COL28A1: variants seen among roughly 807,000 people sequenced by gnomAD.
The protein encoded by COL28A1 is collagen type XXVIII alpha 1 chain, also known as collagen alpha-1(XXVIII) chain.
A neutral mutation model predicts 150.2 loss-of-function variants in COL28A1; 161 were observed. That is an observed-to-expected ratio of 1.07 (90% CI 0.94 to 1.22). COL28A1 has a LOEUF of 1.22. Ranked by LOEUF, COL28A1 falls within the 50% of genes most tolerant of loss-of-function variation. COL28A1 has a pLI of 0.00. For missense variants in COL28A1, 1,617 were observed against 1,388.3 expected (o/e 1.16, Z -2.62); for synonymous variants, 552 against 469.7 (o/e 1.18, Z -2.26).
rs1356165367 is a variant in COL28A1, at chr7:7,417,536, GGGA to G, written c.2136+320_2136+322del. The stretch of plus-strand genomic sequence containing the variant: ...GAAGGAGGGAGGGGGGAGGGAGGGA[GGGA>G]GGGGGGGGGGAGAGAGAGAGAGAGA... On this transcript the variant is annotated intron_variant, in intron 27 of 34. Transcript: ENST00000399429. The G allele has an allele frequency of 1.8e-3, 156 of 86,404 alleles. 1 individual carries two copies. Among genetic ancestry groups the G allele is most frequent in the African/African-American group, 7.7e-3 (36 of 4,678 alleles). The allele number at this position is 86,404 out of a possible 1,614,324, so 5.4% of individuals were successfully genotyped here.
At position 7,490,643 on chromosome 7, in the gene COL28A1, C is replaced by G; in HGVS notation, c.1030G>C (p.Glu344Gln). Residue 344 changes from glutamate to glutamine, a missense_variant, in exon 12 of 35, where the codon GAG becomes CAG. Glu to Gln is a conservative substitution (Grantham distance 29, BLOSUM62 2). Transcript: ENST00000399429. ...GPKGFQGNKG[E>Q]PGPPGPYGSP... Reference sequence around the variant, plus strand: ...CCATAAGGACCAGGAGGACCTGGCTCACCCTGGAGGAAGAAATAGTGACAT... The same window carrying G: ...CCATAAGGACCAGGAGGACCTGGCTGACCCTGGAGGAAGAAATAGTGACAT... 4.0e-6 allele frequency: 5 copies of G among 1,252,222 alleles called. No homozygotes were observed. The highest frequency in any genetic ancestry group is 5.9e-6 in the Non-Finnish European group (5 of 850,712). 77.6% of individuals were successfully genotyped at this position (1,252,222 alleles called of 1,614,324 possible).
At chr7:7,449,334 T>C (rs1786503693) in intron 18 of COL28A1, among the ~76,000 whole-genome samples, 1 of 152,092 alleles carries the variant, frequency 6.6e-6, no homozygotes, top group African/African-American at 2.4e-5. Flanking sequence ...GATGCATAAT[T>C]TGATAAAATC....
rs547993479 is a variant in COL28A1, at chr7:7,392,013, C to T, written c.2137-10401G>A. On this transcript the variant is annotated intron_variant, in intron 27 of 34. Coordinates refer to ENST00000399429, the MANE Select transcript of COL28A1 (RefSeq NM_001037763.3). ...AATATTGTTATGTATGAATTTGATCCGGTCATTATGATGTTAGCTGGTTAT... is the reference window on the plus strand; with the variant it reads ...AATATTGTTATGTATGAATTTGATCTGGTCATTATGATGTTAGCTGGTTAT... Among the ~76,000 whole-genome samples the T allele has an allele frequency of 4.7e-4, 71 of 152,096 alleles. 2 individuals carry two copies. In the South Asian group the frequency reaches 0.012, roughly 26 times the overall value.
intron 21 of COL28A1, among the ~76,000 whole-genome samples, chr7:7,438,802 G>A (rs76291952): frequency 6.6e-6 from 1 of 152,124 alleles, no homozygotes; most frequent in Admixed American, 6.6e-5. Flanking sequence ...ACTTCTCTAC[G>A]GTAGGTGGGC....
At chr7:7,471,125 T>TAAAAAAAAAAAAAAAAAAAG (rs1788386289) in intron 15 of COL28A1, among the ~76,000 whole-genome samples, 1 of 88,522 alleles carries the variant, frequency 1.1e-5, no homozygotes, top group Non-Finnish European at 2.3e-5. Flanking sequence ...AAAAAATAAT[T>TAAAAAAAAAAAAAAAAAAAG]AAAAAAAAAA....
At chr7:7,453,276 T>C (rs528389651) in intron 17 of COL28A1, among the ~76,000 whole-genome samples, 164 bp downstream of exon 17, 1 of 152,368 alleles carries the variant, frequency 6.6e-6, no homozygotes, top group Admixed American at 6.5e-5. Flanking sequence ...GAATACATAT[T>C]ACATTTTCTA....
At chr7:7,422,636 G>GAA (rs112705922) in intron 25 of COL28A1, among the ~76,000 whole-genome samples, 1 of 139,572 alleles carries the variant, frequency 7.2e-6, no homozygotes, top group South Asian at 2.3e-4. Flanking sequence ...CTCCAAAAAA[G>GAA]AAAAAAAAAA....
chr7:7,431,444 T>C, intron 25 of COL28A1: 2 of 455,128 alleles, frequency 4.4e-6, no homozygotes, highest in South Asian at 3.2e-5. Flanking sequence ...GGGGTTGGGG[T>C]AGTAATGCTT....
chr7:7,464,387 C>G (rs1307720254), intron 15 of COL28A1, among the ~76,000 whole-genome samples: 3 of 152,200 alleles, frequency 2.0e-5, no homozygotes, highest in Admixed American at 6.5e-5. Context: ...ATGGTACCTT[C>G]TCCAAGATAA....
intron 33 of COL28A1, among the ~76,000 whole-genome samples, chr7:7,367,467 A>T (rs1231615927): frequency 6.6e-6 from 1 of 152,180 alleles, no homozygotes; most frequent in Non-Finnish European, 1.5e-5. Flanking sequence ...CCTAGAGACA[A>T]GAGGCACTAT....
intron 25 of COL28A1, chr7:7,431,488 C>G (rs943785457): frequency 4.3e-6 from 2 of 470,114 alleles, no homozygotes; most frequent in African/African-American, 4.0e-5. Context: ...GACATTTGAG[C>G]TAAGCTTTTA....
Position 7,460,625 on chromosome 7 carries a change from G to A in COL28A1, c.1303-4513C>T, listed in dbSNP as rs188990689. On this transcript the variant is annotated intron_variant, in intron 15 of 34. Coordinates refer to ENST00000399429, the MANE Select transcript of COL28A1 (RefSeq NM_001037763.3). ...TCTCGATCTCCTGACCTCGTGATCC[G>A]CCCGCCTCAGCCTCCCAAAGTGCTG... Among the ~76,000 whole-genome samples the A allele has an allele frequency of 4.8e-3, 725 of 151,936 alleles. 5 individuals carry two copies. Among genetic ancestry groups the A allele is most frequent in the East Asian group, 0.022 (116 of 5,166 alleles).
intron 30 of COL28A1, among the ~76,000 whole-genome samples, chr7:7,380,446 C>A (rs1190405566): frequency 1.3e-5 from 2 of 152,102 alleles, no homozygotes; most frequent in Non-Finnish European, 2.9e-5. Context: ...CACACACACC[C>A]ACCACAAGGC....
rs533017107 is a variant in COL28A1, at chr7:7,371,444, A to C, written c.2909-562T>G. Reference sequence around the variant, plus strand: ...TAGAAAGCTCTGGAGAAGGTGAGAAATAGCAAAAAAGTTTCTGAGAATGGT... The same window carrying C: ...TAGAAAGCTCTGGAGAAGGTGAGAACTAGCAAAAAAGTTTCTGAGAATGGT... On this transcript the variant is annotated intron_variant, in intron 32 of 34. Coordinates refer to ENST00000399429, the MANE Select transcript of COL28A1 (RefSeq NM_001037763.3). 2.0e-5 allele frequency among the ~76,000 whole-genome samples: 3 copies of C among 152,318 alleles called. No homozygotes were observed. In the South Asian group the frequency reaches 6.2e-4, roughly 32 times the overall value.
Position 7,521,443 on chromosome 7 carries a change from G to A in COL28A1, c.759+462C>T, listed in dbSNP as rs150098785. Among the ~76,000 whole-genome samples the A allele has an allele frequency of 1.2e-4, 19 of 152,254 alleles. No individual in the cohort carries two copies. The East Asian group carries it at 2.5e-3, about 20-fold the overall frequency. On this transcript the variant is annotated intron_variant, in intron 5 of 34. Transcript: ENST00000399429. ...ACTCACCCTAATCCCCCAAAGCATC[G>A]TGACCAGCTTCCTGTCCATGAGGCC...
intron 8 of COL28A1, 46 bp from the exon 9 acceptor site, chr7:7,511,181 T>C (rs552937325): frequency 7.1e-7 from 1 of 1,399,788 alleles, no homozygotes; most frequent in Admixed American, 1.7e-5. Context: ...CTTGCAGTCA[T>C]TCACTATTAA....
chr7:7,480,016 C>A (rs909067940), intron 13 of COL28A1, among the ~76,000 whole-genome samples: 3 of 152,142 alleles, frequency 2.0e-5, no homozygotes, highest in Non-Finnish European at 4.4e-5. Flanking sequence ...TATGATGGAA[C>A]AAAGTCTGCC....
At chr7:7,428,670 C>T (rs1309176199) in intron 25 of COL28A1, among the ~76,000 whole-genome samples, 3 of 152,190 alleles carry the variant, frequency 2.0e-5, no homozygotes, top group Admixed American at 6.5e-5. Flanking sequence ...TCCCCATCAA[C>T]GAGCCAGGAG....
rs376292603 is a variant in COL28A1 at position 7,391,732 on chromosome 7, CTTCT to C, written c.2137-10124_2137-10121del. ...GATCCCTTTACCATTATGTAATGCC[CTTCT>C]TTGTCTTTTTTGATCTTTGTTGATT... On this transcript the variant is annotated intron_variant, in intron 27 of 34. Transcript: ENST00000399429. Among the ~76,000 whole-genome samples, 49 of 150,874 alleles carry C rather than the reference CTTCT, an allele frequency of 3.2e-4. 1 individual carries two copies. In the East Asian group the frequency reaches 7.6e-3, roughly 23 times the overall value.
Sources: allele counts gnomAD v4.1 joint callset (sites outside exome capture counted in the v4.1 genomes callset), GRCh38; gene constraint gnomAD v4.1.1; transcripts MANE v1.5; gene names NCBI Gene and HGNC (gene_info 2026-07-23, HGNC 2026-07-21).